MAN1C1: variants seen among roughly 807,000 people sequenced by gnomAD.
The protein encoded by MAN1C1 is mannosyl-oligosaccharide 1,2-alpha-mannosidase IC.
A neutral mutation model predicts 71.5 loss-of-function variants in MAN1C1; 49 were observed. The ratio of observed to expected loss-of-function variants is 0.69; its 90% CI spans 0.54 to 0.87. The LOEUF is 0.87. MAN1C1 is among the 40% of genes least tolerant of loss of function. The pLI is 0.00. For synonymous variants in MAN1C1, 352 were observed against 343.7 expected, an observed-to-expected ratio of 1.02 and a Z score of -0.27; for missense variants, 743 against 835.0, an observed-to-expected ratio of 0.89 and a Z score of 1.36.
At chr1:25,763,228 A>G (rs985125155) in intron 6 of MAN1C1, among the ~76,000 whole-genome samples, 19 of 152,082 alleles carry the variant, frequency 1.2e-4, no homozygotes, top group African/African-American at 3.6e-4. Flanking sequence ...AGATTGCGCT[A>G]CCGCACTCCA....
rs1164116748 is a variant in MAN1C1 at position 25,769,324 on chromosome 1, C to T, written c.1142-2333C>T. 1.3e-5 allele frequency among the ~76,000 whole-genome samples: 2 copies of T among 151,718 alleles called. No homozygotes were observed. Among genetic ancestry groups the T allele is most frequent in the Non-Finnish European group, 2.9e-5 (2 of 67,884 alleles). ...CTCAGCACACACACACGCCCCCATA[C>T]ACCTACATACACCACACACATTCAT... is the stretch of plus-strand genomic sequence containing the variant. On this transcript the variant is annotated intron_variant, in intron 7 of 11. Transcript: ENST00000374332. This position sits in a 1 kb window ranked among gnomAD's most constrained non-coding sequence, Gnocchi z 4.8.
At position 25,782,497 on chromosome 1, in the gene MAN1C1, C is replaced by A; in HGVS notation, c.1651-88C>A. On this transcript the variant is annotated intron_variant, in intron 10 of 11. Transcript: ENST00000374332. The surrounding 1 kb of genome is among the most constrained non-coding windows in gnomAD (Gnocchi z 4.4). ...GGGGGTGCTGTCTGCTTTCTTCTAG[C>A]TCCAGCCTGCCAGGCATGCACAAGT... 1 of 841,246 alleles carries A rather than the reference C, an allele frequency of 1.2e-6. No homozygotes were observed. The highest frequency in any genetic ancestry group is 1.5e-5 in the South Asian group (1 of 66,756). 52.1% of individuals were successfully genotyped at this position (841,246 alleles called of 1,614,324 possible).
At chr1:25,762,446 C>CT (rs71014387) in intron 6 of MAN1C1, among the ~76,000 whole-genome samples, 17 of 146,468 alleles carry the variant, frequency 1.2e-4, no homozygotes, top group South Asian at 2.2e-4. Context: ...ATTTTCTTTT[C>CT]TTTTTTTTTT....
At chr1:25,664,822 A>G (rs1156399150) in intron 1 of MAN1C1, among the ~76,000 whole-genome samples, 9 of 152,246 alleles carry the variant, frequency 5.9e-5, no homozygotes, top group South Asian at 2.1e-4. Flanking sequence ...TAAGGAGGCA[A>G]TTATCTCACG....
chr1:25,621,154 C>A (rs2045201888), intron 1 of MAN1C1, among the ~76,000 whole-genome samples: 1 of 152,184 alleles, frequency 6.6e-6, no homozygotes, highest in Admixed American at 6.5e-5. Context: ...AGTGAACTGG[C>A]AGTCTGGTCA....
rs561612581 is a variant in MAN1C1 at position 25,676,956 on chromosome 1, C to T, written c.541-9484C>T. On this transcript the variant is annotated intron_variant, in intron 1 of 11. Transcript: ENST00000374332. The stretch of plus-strand genomic sequence containing the variant: ...GCTGGCACCCACGTGTCCTCCCCTC[C>T]TCTAATGCATCCTTTCTCTCTTGAT... 3.9e-5 allele frequency among the ~76,000 whole-genome samples: 6 copies of T among 152,286 alleles called. No individual in the cohort carries two copies. In the South Asian group the frequency reaches 1.2e-3, roughly 32 times the overall value.
At chr1:25,721,274 C>CA (rs2046762516) in intron 2 of MAN1C1, among the ~76,000 whole-genome samples, 1 of 152,072 alleles carries the variant, frequency 6.6e-6, no homozygotes, top group South Asian at 2.1e-4. Flanking sequence ...GGTGTAATCT[C>CA]AGTTTCCATA....
In MAN1C1 at chr1:25,725,129, C is replaced by G. The variant is rs892551696; in HGVS notation, c.638-21539C>G. Among the ~76,000 whole-genome samples, 3 of 152,150 alleles carry G rather than the reference C, an allele frequency of 2.0e-5. No individual in the cohort carries two copies. Among genetic ancestry groups the G allele is most frequent in the Non-Finnish European group, 2.9e-5 (2 of 68,030 alleles). ...CCTTTTGTCAAAGCACCATTAAAAC[C>G]CAGCTCTGGTCAATACCAATGTGGT... On this transcript the variant is annotated intron_variant, in intron 2 of 11. Coordinates refer to ENST00000374332, the MANE Select transcript of MAN1C1 (RefSeq NM_020379.4). The surrounding 1 kb of genome is among the most constrained non-coding windows in gnomAD (Gnocchi z 4.8).
chr1:25,642,179 C>T (rs2045546788), intron 1 of MAN1C1, among the ~76,000 whole-genome samples: 1 of 152,336 alleles, frequency 6.6e-6, no homozygotes, highest in South Asian at 2.1e-4. Context: ...ATCGCCCTCC[C>T]TCCTGTGGCT....
At chr1:25,767,834 CA>C in intron 7 of MAN1C1, among the ~76,000 whole-genome samples, 1 of 129,242 alleles carries the variant, frequency 7.7e-6, no homozygotes. Flanking sequence ...CCCTCACACA[CA>C]CTACACACAC....
intron 2 of MAN1C1, among the ~76,000 whole-genome samples, chr1:25,739,932 G>T (rs3014703): frequency 6.6e-6 from 1 of 152,106 alleles, no homozygotes; most frequent in South Asian, 2.1e-4. Context: ...TTGTGAATGC[G>T]CCACAGCCCC....
At position 25,711,414 on chromosome 1, in the gene MAN1C1, G is replaced by A. The variant is rs76023259; in HGVS notation, c.637+24878G>A. Among the ~76,000 whole-genome samples the A allele has an allele frequency of 6.6e-6, 1 of 152,304 alleles. No individual in the cohort carries two copies. The highest frequency in any genetic ancestry group is 1.9e-4 in the East Asian group (1 of 5,188). On this transcript the variant is annotated intron_variant, in intron 2 of 11. Coordinates refer to ENST00000374332, the MANE Select transcript of MAN1C1 (RefSeq NM_020379.4). This position sits in a 1 kb window ranked among gnomAD's most constrained non-coding sequence, Gnocchi z 4.3. ...ACTCAGACATCTCTAAAGTCAAATC[G>A]CTCATGGATGGGTCAGTGTGGGAGA...
At chr1:25,681,053 T>A (rs2046144337) in intron 1 of MAN1C1, among the ~76,000 whole-genome samples, 1 of 151,094 alleles carries the variant, frequency 6.6e-6, no homozygotes. Flanking sequence ...AAACCCCTTC[T>A]CTACTAAAAA....
chr1:25,712,605 T>C (rs1374965033), intron 2 of MAN1C1, among the ~76,000 whole-genome samples: 3 of 152,126 alleles, frequency 2.0e-5, no homozygotes, highest in African/African-American at 7.2e-5. Context: ...TTGAGTCCCT[T>C]CTCCTTGAGC....
At chr1:25,762,488 C>T (rs1370805124) in intron 6 of MAN1C1, among the ~76,000 whole-genome samples, 1 of 150,444 alleles carries the variant, frequency 6.6e-6, no homozygotes, top group Non-Finnish European at 1.5e-5. Flanking sequence ...AGTGCAAAGG[C>T]GCCATGTCTG....
At chr1:25,731,733 C>T (rs2046912409) in intron 2 of MAN1C1, among the ~76,000 whole-genome samples, 1 of 152,032 alleles carries the variant, frequency 6.6e-6, no homozygotes, top group South Asian at 2.1e-4. Flanking sequence ...AAAGGGAGGC[C>T]CTTGGTCTAT....
At chr1:25,669,604 T>TA (rs201910264) in intron 1 of MAN1C1, among the ~76,000 whole-genome samples, 51 of 151,492 alleles carry the variant, frequency 3.4e-4, no homozygotes, top group African/African-American at 9.5e-4. Flanking sequence ...CTATCTTTTT[T>TA]AAAAAAAAAT....
intron 2 of MAN1C1, among the ~76,000 whole-genome samples, chr1:25,716,683 C>G (rs1290544348): frequency 6.6e-6 from 1 of 152,128 alleles, no homozygotes; most frequent in East Asian, 1.9e-4. Flanking sequence ...GGTTTTAATC[C>G]CAATTGGAAT....
At chr1:25,760,052 G>A (rs1055817140) in intron 6 of MAN1C1, 3 of 152,264 alleles carry the variant, frequency 2.0e-5, no homozygotes, top group Non-Finnish European at 2.9e-5. Flanking sequence ...CCTCCCTGTT[G>A]CCATTGCTCT....
Sources: allele counts gnomAD v4.1 joint callset (sites outside exome capture counted in the v4.1 genomes callset), GRCh38; gene constraint gnomAD v4.1.1; non-coding constraint Gnocchi (gnomAD v3.1); transcripts MANE v1.5; gene names NCBI Gene and HGNC (gene_info 2026-07-23, HGNC 2026-07-21).